Variants in KIF2A observed in about 807,000 individuals in gnomAD.
KIF2A encodes kinesin-like protein KIF2A.
Under a neutral mutation model 100.2 loss-of-function variants are expected in KIF2A, and 22 were observed. That is an observed-to-expected ratio of 0.22 (90% CI 0.16 to 0.31). The LOEUF (loss-of-function observed/expected upper bound fraction) is 0.31. Ranked by LOEUF, KIF2A falls within the 10% of genes least tolerant of loss-of-function variation. The pLI, the probability that KIF2A is intolerant of heterozygous loss-of-function variation, is 1.00. For missense variants in KIF2A, 495 were observed against 898.7 expected (o/e 0.55, Z 5.74); for synonymous variants, 268 against 285.9 (o/e 0.94, Z 0.63).
chr5:62,311,645 CAT>C (rs1027715871), intron 1 of KIF2A, among the ~76,000 whole-genome samples: 11 of 152,070 alleles, frequency 7.2e-5, no homozygotes, highest in African/African-American at 2.7e-4. Context: ...TGGAGAATAG[CAT>C]GTGTAAATTT....
chr5:62,327,700 C>T (rs927485703), intron 1 of KIF2A, among the ~76,000 whole-genome samples: 1 of 151,986 alleles, frequency 6.6e-6, no homozygotes, highest in African/African-American at 2.4e-5. Flanking sequence ...TACATTTTAC[C>T]CTAGTGGTAA....
At position 62,357,727 on chromosome 5, in the gene KIF2A, C is replaced by T. The variant is rs750318761; in HGVS notation, c.691C>T (p.Arg231Ter). ...EHRICVCVRK[R>*]PLNKKETQMK... is the part of the protein sequence containing the mutation. ...TAGGATATGTGTGTGTGTAAGAAAA[C>T]GACCACTCAATAAAAAAGGTATGGC... is the stretch of plus-strand genomic sequence containing the variant. The change falls in exon 8 of 21, where the codon CGA (arginine) becomes TGA (stop). Residue 231 changes from arginine to a stop codon, truncating the protein, a stop_gained. Transcript: ENST00000407818. LOFTEE classifies it high-confidence loss of function. The T allele has an allele frequency of 1.3e-6, 2 of 1,560,252 alleles. No homozygotes were observed. The highest frequency in any genetic ancestry group is 8.8e-7 in the Non-Finnish European group (1 of 1,134,646).
At position 62,385,707 on chromosome 5, in the gene KIF2A, A is replaced by G; in HGVS notation, c.*138A>G. 1 of 609,042 alleles carries G rather than the reference A, an allele frequency of 1.6e-6. No homozygotes were observed. The highest frequency in any genetic ancestry group is 2.9e-6 in the Non-Finnish European group (1 of 339,446). The allele number at this position is 609,042 out of a possible 1,614,324, so 37.7% of individuals were successfully genotyped here. ...TTGTCCTTCACCTGAATTACATTTC[A>G]ATTTTGTGAAACACTCTTTTGTCTA... On this transcript the variant is annotated 3_prime_UTR_variant, in exon 21 of 21. Coordinates refer to ENST00000407818, the MANE Select transcript of KIF2A (RefSeq NM_001098511.3).
intron 7 of KIF2A, among the ~76,000 whole-genome samples, chr5:62,356,786 C>CT (rs201800931): frequency 0.015 from 2,013 of 134,272 alleles, 19 homozygotes; most frequent in Middle Eastern, 0.019. Context: ...GATAATACAG[C>CT]TTTTTTTTTT....
intron 1 of KIF2A, among the ~76,000 whole-genome samples, chr5:62,341,319 T>TG (rs1465541025): frequency 6.6e-6 from 1 of 151,894 alleles, no homozygotes; most frequent in African/African-American, 2.4e-5. Context: ...TTTTTTTTTT[T>TG]GGAGACAGGA....
intron 1 of KIF2A, among the ~76,000 whole-genome samples, chr5:62,343,439 A>G (rs1357419611): frequency 6.6e-6 from 1 of 152,194 alleles, no homozygotes; most frequent in Non-Finnish European, 1.5e-5. Context: ...TGAGATAGGA[A>G]TCAGACAATT....
At position 62,306,301 on chromosome 5, in the gene KIF2A, G is replaced by A; in HGVS notation, c.-172G>A. 1 of 573,876 alleles carries A rather than the reference G, an allele frequency of 1.7e-6. No individual in the cohort carries two copies. The highest frequency in any genetic ancestry group is 3.1e-6 in the Non-Finnish European group (1 of 325,220). 35.5% of individuals were successfully genotyped at this position (573,876 alleles called of 1,614,324 possible). ...GCCGGCCTGCAGGCCCGGGGCCTCC[G>A]CCTGCTTCCCCACAGCTGCTCCTTG... On this transcript the variant is annotated 5_prime_UTR_variant, in exon 1 of 21. Coordinates refer to ENST00000407818, the MANE Select transcript of KIF2A (RefSeq NM_001098511.3).
In KIF2A at chr5:62,385,638, G is replaced by T; in HGVS notation, c.*69G>T. The T allele has an allele frequency of 9.1e-7, 1 of 1,094,256 alleles. No homozygotes were observed. The highest frequency in any genetic ancestry group is 1.3e-6 in the Non-Finnish European group (1 of 744,112). 67.8% of individuals were successfully genotyped at this position (1,094,256 alleles called of 1,614,324 possible). On this transcript the variant is annotated 3_prime_UTR_variant, in exon 21 of 21. Coordinates refer to ENST00000407818, the MANE Select transcript of KIF2A (RefSeq NM_001098511.3). ...TAACATACAACGGTTCAGCTGTAAG[G>T]GCCATTTGAAAGTTTGGAATTTTAA...
intron 1 of KIF2A, among the ~76,000 whole-genome samples, chr5:62,318,559 G>T (rs1031134158): frequency 6.6e-6 from 1 of 152,076 alleles, no homozygotes; most frequent in African/African-American, 2.4e-5. Context: ...TAATAACATT[G>T]CTTTTAAGTG....
intron 1 of KIF2A, among the ~76,000 whole-genome samples, chr5:62,340,294 G>A (rs1160957273): frequency 1.3e-5 from 2 of 152,094 alleles, no homozygotes; most frequent in East Asian, 3.9e-4. Context: ...TAACCTAGCT[G>A]GTGGTAGTTA....
chr5:62,365,231 C>G lies in KIF2A; in HGVS notation c.1468-12C>G. 1 of 1,413,082 alleles carries G rather than the reference C, an allele frequency of 7.1e-7. No individual in the cohort carries two copies. Among genetic ancestry groups the G allele is most frequent in the Non-Finnish European group, 9.8e-7 (1 of 1,020,268 alleles). The allele number at this position is 1,413,082 out of a possible 1,614,324, so 87.5% of individuals were successfully genotyped here. ...AAGACTAATCTGTGAGACTTGTTTT[C>G]TTAATTTTCAGGAGTGCATCAGAGC... is the stretch of plus-strand genomic sequence containing the variant. On this transcript the variant is annotated splice_polypyrimidine_tract_variant and intron_variant, in intron 14 of 20. Transcript: ENST00000407818.
chr5:62,325,178 G>A (rs1237775045), intron 1 of KIF2A, among the ~76,000 whole-genome samples: 1 of 152,000 alleles, frequency 6.6e-6, no homozygotes, highest in Non-Finnish European at 1.5e-5. Context: ...AGGCTCGAGT[G>A]CAGTGGCGTG....
chr5:62,380,050 C>G (rs1741708776), intron 19 of KIF2A, among the ~76,000 whole-genome samples: 1 of 152,170 alleles, frequency 6.6e-6, no homozygotes, highest in Non-Finnish European at 1.5e-5. Flanking sequence ...TGCCATCACG[C>G]CTGGCTAATT....
At chr5:62,309,771 T>C (rs1417306087) in intron 1 of KIF2A, among the ~76,000 whole-genome samples, 1 of 152,168 alleles carries the variant, frequency 6.6e-6, no homozygotes, top group Non-Finnish European at 1.5e-5. Flanking sequence ...CTTACACTAA[T>C]AAACATATCC....
intron 1 of KIF2A, among the ~76,000 whole-genome samples, chr5:62,325,081 CTTTCT>C (rs1347065482): frequency 1.3e-5 from 2 of 152,092 alleles, no homozygotes; most frequent in South Asian, 2.1e-4. Context: ...CCAAGTTGTA[CTTTCT>C]TTTCTTTCCT....
intron 14 of KIF2A, among the ~76,000 whole-genome samples, chr5:62,364,882 G>A (rs1484113166): frequency 6.6e-6 from 1 of 152,136 alleles, no homozygotes; most frequent in African/African-American, 2.4e-5. Flanking sequence ...ATCCCCTGAG[G>A]TCAGGAGTTC....
intron 9 of KIF2A, among the ~76,000 whole-genome samples, chr5:62,359,026 G>T (rs1468194039): frequency 6.6e-6 from 1 of 152,174 alleles, no homozygotes; most frequent in Admixed American, 6.5e-5. Flanking sequence ...TATTTAGTAT[G>T]TATTGTCACT....
chr5:62,332,464 A>C (rs1746703172), intron 1 of KIF2A, among the ~76,000 whole-genome samples: 1 of 152,180 alleles, frequency 6.6e-6, no homozygotes, highest in Admixed American at 6.5e-5. Context: ...GTTGAGCCTT[A>C]AGTGGGGTAA....
intron 5 of KIF2A, chr5:62,352,967 A>G (rs1747929527): frequency 2.3e-6 from 1 of 429,892 alleles, no homozygotes; most frequent in Non-Finnish European, 4.1e-6. Flanking sequence ...GCAGATGATA[A>G]TTTGTCAGAT....
Sources: gnomAD v4.1 joint callset for allele counts (sites outside exome capture counted in the v4.1 genomes callset) on GRCh38, gnomAD v4.1.1 for gene constraint, MANE v1.5 for transcripts, NCBI Gene and HGNC (gene_info 2026-07-23, HGNC 2026-07-21) for gene names.